The following HELQ variants were observed in gnomAD, a reference collection of about 807,000 sequenced individuals.
The protein encoded by HELQ is helicase, POLQ like.
A neutral mutation model predicts 111.6 loss-of-function variants in HELQ; 77 were observed. The ratio of observed to expected loss-of-function variants is 0.69; its 90% CI spans 0.57 to 0.83. The LOEUF (loss-of-function observed/expected upper bound fraction) is 0.83, where lower values mean the gene tolerates loss of function less well. Among genes scored for constraint, HELQ ranks in the 40% least tolerant of loss-of-function variants. The pLI, the probability that HELQ is intolerant of heterozygous loss-of-function variation, is 0.00. For missense variants in HELQ, 1,200 were observed against 1,288.5 expected (o/e 0.93, Z 1.05); for synonymous variants, 438 against 454.7 (o/e 0.96, Z 0.47).
At chr4:83,434,054 T>A (rs948716480) in intron 9 of HELQ, among the ~76,000 whole-genome samples, 25 of 150,242 alleles carry the variant, frequency 1.7e-4, no homozygotes, top group East Asian at 1.4e-3. Context: ...TAAAAAAAAA[T>A]TAACTTTATT....
chr4:83,411,157 C>CAAAAAA (rs35424076), intron 17 of HELQ, among the ~76,000 whole-genome samples: 3 of 67,132 alleles, frequency 4.5e-5, no homozygotes, highest in Non-Finnish European at 6.5e-5. Context: ...GACCTTGTCT[C>CAAAAAA]AAAAAAAAAA....
At chr4:83,408,311 GCGTGATCTCAGCTCA>G (rs1738899589) in intron 17 of HELQ, among the ~76,000 whole-genome samples, 1 of 152,094 alleles carries the variant, frequency 6.6e-6, no homozygotes, top group African/African-American at 2.4e-5. Context: ...GAGCACGGTG[GCGTGATCTCAGCTCA>G]CTGCAACCTC....
rs114197748 is a variant in HELQ, at chr4:83,417,636, G to A, written c.3063+457C>T. ...TAACAGAGAATAAACTGAAGTTGAG[G>A]GTTGGCTGAAAATAGAAAGCTGGAA... On this transcript the variant is annotated intron_variant, in intron 16 of 17. Transcript: ENST00000295488. 1.9e-3 allele frequency among the ~76,000 whole-genome samples: 294 copies of A among 152,244 alleles called. 1 individual carries two copies. The highest frequency in any genetic ancestry group is 6.8e-3 in the African/African-American group (282 of 41,546).
rs752790361 is a variant in HELQ at position 83,432,253 on chromosome 4, G to T, written c.2063C>A (p.Ala688Asp). 1.1e-5 allele frequency: 17 copies of T among 1,571,452 alleles called. No individual in the cohort carries two copies. The South Asian group carries it at 1.6e-4, about 14-fold the overall frequency. Residue 688 changes from alanine (A) to aspartate (D), a missense_variant, in exon 10 of 18, where the codon GCT (alanine) becomes GAT (aspartate). Physicochemically the swap from Ala to Asp is moderately radical, Grantham distance 126. This residue lies in a region of HELQ where 585 missense variants were observed against 665.3 expected (regional missense o/e 0.88). Transcript: ENST00000295488. ...TAAAAATTCCTTAGCAACATAGGGA[G>T]CTCTTAAAATAACTCTGTGGAATTA... ...NLPARRVILR[A>D]PYVAKEFLKR...
chr4:83,439,308 G>T (rs566042844), intron 8 of HELQ, among the ~76,000 whole-genome samples: 1 of 150,302 alleles, frequency 6.7e-6, no homozygotes, highest in South Asian at 2.1e-4. Flanking sequence ...CTCATGATCC[G>T]CACACCTTGG....
In HELQ at chr4:83,455,463, A is replaced by C; in HGVS notation, c.231T>G (p.Leu77=). The C allele has an allele frequency of 6.2e-7, 1 of 1,614,134 alleles. No homozygotes were observed. Among genetic ancestry groups the C allele is most frequent in the Non-Finnish European group, 8.5e-7 (1 of 1,180,008 alleles). Residue 77 remains leucine (L), a synonymous_variant, in exon 1 of 18, where the codon CTT becomes CTG. Transcript: ENST00000295488. ...GGTCCGGGTTTGTATCACCACCTCC[A>C]AGGACGAGACATTCCGGGGAATCTG... The part of the protein sequence containing the change: ...LLSDSPECLV[L]GGGDTNPDLL...
At chr4:83,433,740 T>C (rs1386528266) in intron 9 of HELQ, among the ~76,000 whole-genome samples, 1 of 150,008 alleles carries the variant, frequency 6.7e-6, no homozygotes, top group East Asian at 2.0e-4. Context: ...TCCCAGCACT[T>C]TGGAAGGCGA....
intron 11 of HELQ, 98 bp from the exon 12 acceptor site, chr4:83,429,844 C>T: frequency 1.5e-6 from 1 of 670,418 alleles, no homozygotes; most frequent in Non-Finnish European, 2.5e-6. Flanking sequence ...TACCTCAAAG[C>T]TATTTAAATA....
chr4:83,429,820 A>G, intron 11 of HELQ, 74 bp from the exon 12 acceptor site: 1 of 856,762 alleles, frequency 1.2e-6, no homozygotes, highest in Non-Finnish European at 1.8e-6. Context: ...ATTAATCAAG[A>G]TAACTCATTT....
intron 13 of HELQ, among the ~76,000 whole-genome samples, chr4:83,426,638 ACTGCAACCTCCGCCTC>A (rs1303462942): frequency 6.6e-6 from 1 of 150,890 alleles, no homozygotes; most frequent in East Asian, 1.9e-4. Flanking sequence ...ATCTCAGCTT[ACTGCAACCTCCGCCTC>A]CTGGGTTCAA....
Position 83,407,480 on chromosome 4 carries a change from A to G in HELQ, c.3279T>C (p.Ala1093=). Residue 1093 remains alanine (A), a synonymous_variant, in exon 18 of 18, where the codon GCT becomes GCC. Coordinates refer to ENST00000295488, the MANE Select transcript of HELQ (RefSeq NM_133636.5). ...LLRLPSDFPG[A]VASSTDKA ...ATGCTTTGTCAGTGGAAGAAGCCACAGCACCAGGGAAATCAGAAGGCAATC... is the reference window on the plus strand; with the variant it reads ...ATGCTTTGTCAGTGGAAGAAGCCACGGCACCAGGGAAATCAGAAGGCAATC... 6.2e-7 allele frequency: 1 copy of G among 1,608,002 alleles called. No individual in the cohort carries two copies.
intron 14 of HELQ, among the ~76,000 whole-genome samples, chr4:83,423,103 A>G (rs995866743): frequency 1.3e-5 from 2 of 152,078 alleles, no homozygotes; most frequent in Non-Finnish European, 2.9e-5. Context: ...ATTGAGGGCA[A>G]AAAGATGAAC....
chr4:83,421,986 T>C (rs555674371), intron 14 of HELQ, among the ~76,000 whole-genome samples: 2 of 152,218 alleles, frequency 1.3e-5, no homozygotes, highest in Admixed American at 6.5e-5. Context: ...TTTGGGAGGC[T>C]GTGGCAGATG....
At chr4:83,451,286 A>C (rs116205875) in intron 2 of HELQ, among the ~76,000 whole-genome samples, 3,627 of 152,292 alleles carry the variant, frequency 0.024, 137 homozygotes, top group African/African-American at 0.082. Flanking sequence ...CTAGGCCCAA[A>C]GTGCTAAGGT....
At chr4:83,418,302 A>G (rs986827088) in intron 15 of HELQ, 96 bp from the exon 16 acceptor site, 2 of 602,392 alleles carry the variant, frequency 3.3e-6, no homozygotes, top group Non-Finnish European at 5.7e-6. Flanking sequence ...TGTTCCTTAC[A>G]TAAGTTCTGG....
chr4:83,427,818 A>C (rs373837649), intron 12 of HELQ, 98 bp from the exon 13 acceptor site: 15 of 781,626 alleles, frequency 1.9e-5, no homozygotes, highest in African/African-American at 1.8e-4. Flanking sequence ...TATAGCAAAA[A>C]GTCTTCAAAA....
At position 83,453,468 on chromosome 4, in the gene HELQ, T is replaced by C. The variant is rs1198794287; in HGVS notation, c.775A>G (p.Met259Val). 2 of 1,611,296 alleles carry C rather than the reference T, an allele frequency of 1.2e-6. No individual in the cohort carries two copies. The highest frequency in any genetic ancestry group is 1.1e-5 in the South Asian group (1 of 90,344). Residue 259 changes from methionine to valine, a missense_variant, in exon 2 of 18, where the codon ATG becomes GTG. This residue lies in a region of HELQ where 610 missense variants were observed against 607.1 expected (regional missense o/e 1.00). Coordinates refer to ENST00000295488, the MANE Select transcript of HELQ (RefSeq NM_133636.5). ...SSSKVRTSSDMNRRKSIKDHL... is the reference protein window; with the variant it reads ...SSSKVRTSSDVNRRKSIKDHL... ...TCTTTAATACTTTTTCTCCTGTTCA[T>C]ATCTGAACTAGTTCTGACTTTGGAA...
At position 83,451,584 on chromosome 4, in the gene HELQ, C is replaced by T. The variant is rs187653224; in HGVS notation, c.1012+1647G>A. Among the ~76,000 whole-genome samples the T allele has an allele frequency of 6.1e-3, 927 of 151,752 alleles. 11 individuals carry two copies. The highest frequency in any genetic ancestry group is 0.021 in the African/African-American group (875 of 41,274). Reference sequence around the variant, plus strand: ...GGGAGTCTGATGCAGGAAAATGGCGCGAACCCAGGAGGCGGAGCTTGCAGT... The same window carrying T: ...GGGAGTCTGATGCAGGAAAATGGCGTGAACCCAGGAGGCGGAGCTTGCAGT... On this transcript the variant is annotated intron_variant, in intron 2 of 17. Transcript: ENST00000295488.
rs955055268 is a variant in HELQ, at chr4:83,455,670, G to C, written c.24C>G (p.Ile8Met). 3 of 1,610,148 alleles carry C rather than the reference G, an allele frequency of 1.9e-6. No homozygotes were observed. In the Admixed American group the frequency reaches 5.0e-5, roughly 27 times the overall value. The change falls in exon 1 of 18, where the codon ATC (isoleucine) becomes ATG (methionine). Residue 8 changes from isoleucine (I) to methionine (M), a missense_variant. Coordinates refer to ENST00000295488, the MANE Select transcript of HELQ (RefSeq NM_133636.5). Reference protein sequence around the residue: MDECGSRIRRRVSLPKRN... With the variant: MDECGSRMRRRVSLPKRN... ...TTTTGGGGAGAGACACCCGCCGGCG[G>C]ATGCGGGAACCACATTCATCCATGG...
Sources: gnomAD v4.1 joint callset for allele counts (sites outside exome capture counted in the v4.1 genomes callset) on GRCh38, gnomAD v4.1.1 for gene constraint, gnomAD v4.1.1 regional missense constraint, MANE v1.5 for transcripts, NCBI Gene and HGNC (gene_info 2026-07-23, HGNC 2026-07-21) for gene names.